Variants in MEGF10 observed in about 807,000 individuals in gnomAD.
MEGF10 encodes multiple epidermal growth factor-like domains protein 10.
In MEGF10, 86 loss-of-function variants were observed where a neutral mutation model predicts 147.5. The observed-to-expected ratio is 0.58, with a 90% CI of 0.49 to 0.70. The LOEUF (loss-of-function observed/expected upper bound fraction) is 0.70. MEGF10 is among the 30% of genes least tolerant of loss of function. The pLI, the probability that MEGF10 is intolerant of heterozygous loss-of-function variation, is 0.00. For missense variants in MEGF10, 1,329 were observed against 1,487.3 expected, an observed-to-expected ratio of 0.89 and a Z score of 1.75; for synonymous variants, 478 against 525.5, an observed-to-expected ratio of 0.91 and a Z score of 1.24.
At chr5:127,359,663 C>G (rs1238921037) in intron 4 of MEGF10, among the ~76,000 whole-genome samples, 1 of 152,092 alleles carries the variant, frequency 6.6e-6, no homozygotes, top group Admixed American at 6.6e-5. Flanking sequence ...TTCTTTTACT[C>G]ATCATAATCA....
Position 127,410,410 on chromosome 5 carries a change from T to G in MEGF10, c.939T>G (p.Val313=). The G allele has an allele frequency of 6.2e-7, 1 of 1,614,270 alleles. No homozygotes were observed. The highest frequency in any genetic ancestry group is 8.5e-7 in the Non-Finnish European group (1 of 1,180,048). ...GTAGGTGCCAGGATGAGTGTCCTGT[T>G]GGGACCTATGGCGTTCTCTGTGCTG... ...TGERCQDECP[V]GTYGVLCAET... Residue 313 remains valine, a synonymous_variant, in exon 9 of 25, where the codon GTT becomes GTG. Transcript: ENST00000503335.
At chr5:127,289,053 C>T (rs999218294), upstream of MEGF10, among the ~76,000 whole-genome samples, 9 of 152,172 alleles carry the variant, frequency 5.9e-5, no homozygotes, top group East Asian at 1.9e-4. Flanking sequence ...AACAGCTAAG[C>T]GGGCCAAATA....
chr5:127,234,664 G>A, the MEGF10 span, among the ~76,000 whole-genome samples: 1 of 152,088 alleles, frequency 6.6e-6, no homozygotes, highest in African/African-American at 2.4e-5. Context: ...AGATCATACT[G>A]AATTGATTAT....
rs932339925 is a variant in MEGF10, at chr5:127,390,948, T to C, written c.413-5584T>C. ...AGGGACAACAATAGCACCTGTTTCA[T>C]AGGGTCACTATGAGAGTTAATCTAT... On this transcript the variant is annotated intron_variant, in intron 5 of 24. Coordinates refer to ENST00000503335, the MANE Select transcript of MEGF10 (RefSeq NM_001256545.2). Among the ~76,000 whole-genome samples, 4 of 152,278 alleles carry C rather than the reference T, an allele frequency of 2.6e-5. No homozygotes were observed. The South Asian group carries it at 8.3e-4, about 32-fold the overall frequency.
intron 23 of MEGF10, among the ~76,000 whole-genome samples, chr5:127,454,954 G>T (rs1339648495): frequency 2.0e-5 from 3 of 152,152 alleles, no homozygotes; most frequent in South Asian, 2.1e-4. Flanking sequence ...TGTTGACCAA[G>T]TTCTGCTGTT....
chr5:127,368,413 T>C (rs1762729957), intron 4 of MEGF10, among the ~76,000 whole-genome samples: 1 of 152,184 alleles, frequency 6.6e-6, no homozygotes, highest in East Asian at 1.9e-4. Context: ...TTTTCCAAAA[T>C]TTATGGCCAC....
At chr5:127,282,955 T>C in the MEGF10 span, among the ~76,000 whole-genome samples, 9 of 152,226 alleles carry the variant, frequency 5.9e-5, no homozygotes, top group Non-Finnish European at 1.0e-4. Context: ...CCTGACCAGA[T>C]TGGTTCAGCT....
At chr5:127,353,497 G>C (rs1762161573) in intron 4 of MEGF10, among the ~76,000 whole-genome samples, 1 of 152,218 alleles carries the variant, frequency 6.6e-6, no homozygotes, top group Non-Finnish European at 1.5e-5. Context: ...CAGAGAGAAG[G>C]CTGGCCATAC....
chr5:127,451,216 G>T (rs1255036836), intron 22 of MEGF10, among the ~76,000 whole-genome samples: 1 of 152,204 alleles, frequency 6.6e-6, no homozygotes, highest in Admixed American at 6.5e-5. Flanking sequence ...TCTTCTGACT[G>T]CTCCCCTTAA....
intron 4 of MEGF10, among the ~76,000 whole-genome samples, chr5:127,360,128 T>A (rs1762419471): frequency 6.6e-6 from 1 of 152,104 alleles, no homozygotes; most frequent in Admixed American, 6.5e-5. Context: ...AAATGTCAAA[T>A]AGATCAAATT....
chr5:127,275,399 A>G, the MEGF10 span, among the ~76,000 whole-genome samples: 1 of 152,184 alleles, frequency 6.6e-6, no homozygotes, highest in Admixed American at 6.5e-5. Context: ...TCTATCTATC[A>G]GAGTCGGGAG....
At chr5:127,357,611 A>ATAAC (rs1762325006) in intron 4 of MEGF10, among the ~76,000 whole-genome samples, 1 of 149,994 alleles carries the variant, frequency 6.7e-6, no homozygotes, top group Admixed American at 6.6e-5. Context: ...AAATAAATAA[A>ATAAC]TAAATAAATA....
chr5:127,344,299 T>C (rs143727318), intron 4 of MEGF10, among the ~76,000 whole-genome samples: 288 of 152,334 alleles, frequency 1.9e-3, no homozygotes, highest in African/African-American at 6.5e-3. Context: ...TTAAATTTAT[T>C]GTGTGCTTAC....
At chr5:127,358,066 G>A (rs17165037) in intron 4 of MEGF10, among the ~76,000 whole-genome samples, 18,682 of 152,126 alleles carry the variant, frequency 0.12, 1,335 homozygotes, top group African/African-American at 0.2. Flanking sequence ...TGAAACTGTA[G>A]CACTTCTCCT....
intron 20 of MEGF10, 89 bp downstream of exon 20, chr5:127,445,782 C>T (rs1460614930): frequency 1.1e-6 from 1 of 917,276 alleles, no homozygotes; most frequent in Non-Finnish European, 1.8e-6. Context: ...GCTGTGCTGT[C>T]CATTGTTTCT....
intron 2 of MEGF10, among the ~76,000 whole-genome samples, chr5:127,333,333 T>C (rs1042937878): frequency 3.9e-5 from 6 of 152,004 alleles, no homozygotes; most frequent in African/African-American, 1.2e-4. Context: ...CTGGCCAACA[T>C]GGCAAAGCCC....
At chr5:127,349,815 A>G (rs1343977329) in intron 4 of MEGF10, among the ~76,000 whole-genome samples, 1 of 152,032 alleles carries the variant, frequency 6.6e-6, no homozygotes, top group African/African-American at 2.4e-5. Flanking sequence ...CGTACCCAGT[A>G]TTCATTCAAT....
intron 4 of MEGF10, among the ~76,000 whole-genome samples, chr5:127,358,289 G>A (rs1374706933): frequency 6.6e-6 from 1 of 152,110 alleles, no homozygotes; most frequent in Non-Finnish European, 1.5e-5. Flanking sequence ...CACTAAGGAG[G>A]GAGAAGGGGC....
rs1476531833 is a variant in MEGF10 at position 127,457,905 on chromosome 5, G to T, written c.*587G>T. 1 of 152,078 alleles carries T rather than the reference G, an allele frequency of 6.6e-6. No homozygotes were observed. Among genetic ancestry groups the T allele is most frequent in the Admixed American group, 6.6e-5 (1 of 15,264 alleles). The allele number at this position is 152,078 out of a possible 1,614,324, so 9.4% of individuals were successfully genotyped here. On this transcript the variant is annotated 3_prime_UTR_variant, in exon 25 of 25. Coordinates refer to ENST00000503335, the MANE Select transcript of MEGF10 (RefSeq NM_001256545.2). ...CAGACTTTGAATATACTCTAAAAGTGGACAGAAAATTTACGAAAATCTTAG... is the reference window on the plus strand; with the variant it reads ...CAGACTTTGAATATACTCTAAAAGTTGACAGAAAATTTACGAAAATCTTAG...
Sources: gnomAD v4.1 joint callset for allele counts (sites outside exome capture counted in the v4.1 genomes callset) on GRCh38, gnomAD v4.1.1 for gene constraint, MANE v1.5 for transcripts, NCBI Gene and HGNC (gene_info 2026-07-23, HGNC 2026-07-21) for gene names.